Variants in PLA2G5 observed in about 807,000 individuals in gnomAD.
The protein encoded by PLA2G5 is phospholipase A2 group V.
Under a neutral mutation model 15.9 loss-of-function variants are expected in PLA2G5, and 12 were observed. The ratio of observed to expected loss-of-function variants is 0.76; its 90% CI spans 0.48 to 1.23. PLA2G5 has a LOEUF of 1.23. PLA2G5 is among the 50% of genes most tolerant of loss of function. The probability of loss-of-function intolerance (pLI) is 0.00; values close to 1 mark genes in which losing one functional copy is unlikely to be tolerated. For missense variants in PLA2G5, 169 were observed against 177.1 expected, an observed-to-expected ratio of 0.95 and a Z score of 0.26; for synonymous variants, 71 against 71.4, an observed-to-expected ratio of 0.99 and a Z score of 0.03.
upstream of PLA2G5, among the ~76,000 whole-genome samples, chr1:20,068,453 T>G (rs1272882115): frequency 6.9e-6 from 1 of 145,346 alleles, no homozygotes; most frequent in Non-Finnish European, 1.5e-5. Context: ...AAGTGGTAGT[T>G]TTTTTTTTTT....
Position 20,071,982 on chromosome 1 carries a change from G to A in PLA2G5, c.-11+1517G>A, listed in dbSNP as rs565333457. ...AATTAGCCAGGTATGATGGTGCACA[G>A]CTGTAGTCCCACCTACTCAGGAGGC... On this transcript the variant is annotated intron_variant, in intron 1 of 4. Coordinates refer to ENST00000375108, the MANE Select transcript of PLA2G5 (RefSeq NM_000929.3). Among the ~76,000 whole-genome samples the A allele has an allele frequency of 2.4e-3, 361 of 152,212 alleles. 4 individuals carry two copies. Among genetic ancestry groups the A allele is most frequent in the African/African-American group, 8.0e-3 (334 of 41,518 alleles).
At chr1:20,073,436 G>GCATAC (rs2015490258) in intron 1 of PLA2G5, among the ~76,000 whole-genome samples, 1 of 152,198 alleles carries the variant, frequency 6.6e-6, no homozygotes, top group Non-Finnish European at 1.5e-5. Flanking sequence ...ATGCTAGGCT[G>GCATAC]ACACCCAGAT....
rs373547855 is a variant in PLA2G5, at chr1:20,089,821, G to T, written c.218G>T (p.Arg73Leu). 3.5e-5 allele frequency: 56 copies of T among 1,614,148 alleles called. No homozygotes were observed. The African/African-American group carries it at 6.5e-4, about 19-fold the overall frequency. Residue 73 changes from arginine to leucine, a missense_variant, in exon 4 of 5, where the codon CGG becomes CTG. Transcript: ENST00000375108. ...TGGGCGCATGACCACTGCTATGGGCGGCTGGAGGAGAAGGGCTGCAACATT... is the reference window on the plus strand; with the variant it reads ...TGGGCGCATGACCACTGCTATGGGCTGCTGGAGGAGAAGGGCTGCAACATT... ...CCWAHDHCYG[R>L]LEEKGCNIRT...
intron 3 of PLA2G5, among the ~76,000 whole-genome samples, chr1:20,086,907 C>T (rs2016322133): frequency 6.6e-6 from 1 of 152,038 alleles, no homozygotes; most frequent in South Asian, 2.1e-4. Context: ...GAAAGCATAC[C>T]CAACTGGGTT....
At chr1:20,082,030 G>A (rs999827472) in intron 1 of PLA2G5, among the ~76,000 whole-genome samples, 4 of 151,120 alleles carry the variant, frequency 2.6e-5, no homozygotes, top group East Asian at 2.0e-4. Flanking sequence ...CCAGCCTGGT[G>A]ACAGAGTGAG....
chr1:20,046,532 G>T (rs182262703), intron 1 of PLA2G5, among the ~76,000 whole-genome samples: 9 of 152,172 alleles, frequency 5.9e-5, no homozygotes, highest in Admixed American at 2.6e-4. Flanking sequence ...TCTAGAAAAG[G>T]CTTTTAATGA....
intron 1 of PLA2G5, among the ~76,000 whole-genome samples, chr1:20,071,811 T>A (rs2015390694): frequency 6.6e-6 from 1 of 152,130 alleles, no homozygotes; most frequent in Non-Finnish European, 1.5e-5. Flanking sequence ...CCACCCTGTT[T>A]AAAGTGGCCA....
intron 1 of PLA2G5, among the ~76,000 whole-genome samples, chr1:20,079,463 C>T (rs2015885296): frequency 6.6e-6 from 1 of 152,198 alleles, no homozygotes; most frequent in Non-Finnish European, 1.5e-5. Context: ...GGGCCATATA[C>T]TTCCCCAACT....
chr1:20,078,558 C>T (rs767762022), intron 1 of PLA2G5, among the ~76,000 whole-genome samples: 2 of 152,260 alleles, frequency 1.3e-5, no homozygotes, highest in Non-Finnish European at 2.9e-5. Context: ...TTCCCACCAG[C>T]CACAAGGGCA....
chr1:20,052,373 T>C lies in PLA2G5; in HGVS notation n.277-7259T>C, dbSNP rs1316782355. On this transcript the variant is annotated intron_variant and non_coding_transcript_variant, in intron 1 of 6. Transcript: ENST00000460175. ...GTCACTGAAAACTAAGCTGTGCTTT[T>C]GTAAAGCTCTGTGAACTGAAGATGG... Among the ~76,000 whole-genome samples the C allele has an allele frequency of 2.0e-5, 3 of 152,216 alleles. No individual in the cohort carries two copies. In the East Asian group the frequency reaches 5.8e-4, roughly 29 times the overall value.
intron 1 of PLA2G5, among the ~76,000 whole-genome samples, chr1:20,057,148 T>TA (rs2014474078): frequency 6.6e-6 from 1 of 152,136 alleles, no homozygotes; most frequent in Non-Finnish European, 1.5e-5. Flanking sequence ...TGCTGATATT[T>TA]TCAAAGAATC....
intron 1 of PLA2G5, among the ~76,000 whole-genome samples, chr1:20,050,166 C>T (rs2014114643): frequency 6.6e-6 from 1 of 152,096 alleles, no homozygotes. Flanking sequence ...ATTCATGTAT[C>T]TTTCTGTATG....
upstream of PLA2G5, among the ~76,000 whole-genome samples, chr1:20,069,589 A>G (rs2015231701): frequency 6.6e-6 from 1 of 152,038 alleles, no homozygotes; most frequent in Non-Finnish European, 1.5e-5. Context: ...GAAGCCCAGG[A>G]AGCCGAGGCT....
intron 1 of PLA2G5, among the ~76,000 whole-genome samples, chr1:20,035,591 C>A (rs1485950745): frequency 6.6e-6 from 1 of 152,152 alleles, no homozygotes; most frequent in East Asian, 1.9e-4. Flanking sequence ...CACCCCTATA[C>A]CTTAAGTTTA....
chr1:20,031,616 TG>T (rs1201050705), intron 1 of PLA2G5, among the ~76,000 whole-genome samples: 1 of 151,018 alleles, frequency 6.6e-6, no homozygotes, highest in Non-Finnish European at 1.5e-5. Context: ...CTGGAATTTT[TG>T]TTAAGTGCCG....
chr1:20,070,424 G>A lies in PLA2G5; in HGVS notation c.-52G>A, dbSNP rs1016740267. 1 of 985,302 alleles carries A rather than the reference G, an allele frequency of 1.0e-6. No individual in the cohort carries two copies. Among genetic ancestry groups the A allele is most frequent in the Admixed American group, 6.1e-5 (1 of 16,274 alleles). The allele number at this position is 985,302 out of a possible 1,614,324, so 61.0% of individuals were successfully genotyped here. A position where few individuals can be genotyped will look rare whatever the true frequency, so the allele number is the denominator to read the frequency against. ...GGTCTGCCCAAGGAAGTTGCTCATG[G>A]GAGCAGACCTCTAGAGCAGGATTTG... On this transcript the variant is annotated 5_prime_UTR_variant, in exon 1 of 5. Coordinates refer to ENST00000375108, the MANE Select transcript of PLA2G5 (RefSeq NM_000929.3).
chr1:20,030,120 G>T (rs547825485), intron 1 of PLA2G5, among the ~76,000 whole-genome samples: 2 of 152,254 alleles, frequency 1.3e-5, no homozygotes, highest in South Asian at 2.1e-4. Context: ...AAAAAGTATA[G>T]AGAGAGAAGA....
At position 20,090,560 on chromosome 1, in the gene PLA2G5, T is replaced by G; in HGVS notation, c.293-8T>G. 1 of 1,614,040 alleles carries G rather than the reference T, an allele frequency of 6.2e-7. No individual in the cohort carries two copies. Reference sequence around the variant, plus strand: ...CACCCTCATTCTGCTCTTGGTGTCCTTTTGCAGAGCCCGGGCCCTTCTGCC... The same window carrying G: ...CACCCTCATTCTGCTCTTGGTGTCCGTTTGCAGAGCCCGGGCCCTTCTGCC... On this transcript the variant is annotated splice_polypyrimidine_tract_variant and splice_region_variant and intron_variant, in intron 4 of 4. Transcript: ENST00000375108.
chr1:20,083,244 C>G (rs2016121390), intron 1 of PLA2G5, among the ~76,000 whole-genome samples: 1 of 151,914 alleles, frequency 6.6e-6, no homozygotes, highest in African/African-American at 2.4e-5. Flanking sequence ...CAAGGGTTGT[C>G]CCAGAGGCCA....
Sources: gnomAD v4.1 joint callset for allele counts (sites outside exome capture counted in the v4.1 genomes callset) on GRCh38, gnomAD v4.1.1 for gene constraint, MANE v1.5 for transcripts, NCBI Gene and HGNC (gene_info 2026-07-23, HGNC 2026-07-21) for gene names.